NAA10: variants seen among roughly 807,000 people sequenced by gnomAD.
The protein encoded by NAA10 is N-alpha-acetyltransferase 10, NatA catalytic subunit.
NAA10 carries 6 observed loss-of-function variants against 19.2 expected under a neutral mutation model. The ratio of observed to expected loss-of-function variants is 0.31; its 90% CI spans 0.17 to 0.62. The LOEUF (loss-of-function observed/expected upper bound fraction) is 0.62, where lower values mean the gene tolerates loss of function less well. Ranked by LOEUF, NAA10 falls within the 20% of genes least tolerant of loss-of-function variation. The pLI, the probability that NAA10 is intolerant of heterozygous loss-of-function variation, is 0.83. For missense variants in NAA10, 101 were observed against 198.4 expected (o/e 0.51, Z 2.95); for synonymous variants, 97 against 79.9 (o/e 1.21, Z -1.14).
At chrX:153,932,163 G>A (rs201130093) in intron 5 of NAA10, 48 bp from the exon 6 acceptor site, 10 of 1,202,677 alleles carry the variant, frequency 8.3e-6, no homozygotes, top group Non-Finnish European at 6.8e-6. Context: ...TGGCCAGGGA[G>A]GGGTAGCACG....
rs2065174006 is a variant in NAA10, at chrX:153,932,715, CTCTTGGATCAGAGCA to C, written c.180-146_180-132del. On this transcript the variant is annotated intron_variant, in intron 3 of 7. Transcript: ENST00000464845. ...CCCCAGCTGGGGGAGAGCCGGGAGC[CTCTTGGATCAGAGCA>C]GCCGATCCTGCCACCCTCTGCTGCC... is the stretch of plus-strand genomic sequence containing the variant. The C allele has an allele frequency of 6.2e-6, 4 of 644,680 alleles. No individual in the cohort carries two copies. The South Asian group carries it at 9.6e-5, about 15-fold the overall frequency. 53.1% of individuals were successfully genotyped at this position (644,680 alleles called of 1,213,427 possible).
In NAA10 at chrX:153,930,865, G is replaced by C; in HGVS notation, c.387-18C>G. On this transcript the variant is annotated intron_variant, in intron 6 of 7. Coordinates refer to ENST00000464845, the MANE Select transcript of NAA10 (RefSeq NM_003491.4). ...CACTGATCCTGGGGGCAGAGGGTTA[G>C]AGAGCAAGGAGGAAGACCTGTATCC... 1 of 1,211,816 alleles carries C rather than the reference G, an allele frequency of 8.3e-7. No homozygotes were observed. The highest frequency in any genetic ancestry group is 1.1e-6 in the Non-Finnish European group (1 of 895,513).
rs782293468 is a variant in NAA10, at chrX:153,930,754, G to T, written c.471+9C>A. The T allele has an allele frequency of 8.3e-6, 10 of 1,211,523 alleles. No individual in the cohort carries two copies. ...CGCTCGCCTTGCTTGGCTTCATGCA[G>T]GCGCTTACCTCGTCGGCCATCTGAG... is the stretch of plus-strand genomic sequence containing the variant. On this transcript the variant is annotated intron_variant, in intron 7 of 7. Coordinates refer to ENST00000464845, the MANE Select transcript of NAA10 (RefSeq NM_003491.4).
In NAA10 at chrX:153,930,356, G is replaced by A. The variant is rs1557107208; in HGVS notation, c.472-133C>T. The A allele has an allele frequency of 3.4e-5, 20 of 591,700 alleles. No individual in the cohort carries two copies. The South Asian group carries it at 4.5e-4, about 13-fold the overall frequency. The allele number at this position is 591,700 out of a possible 1,213,427, so 48.8% of individuals were successfully genotyped here. A position where few individuals can be genotyped will look rare whatever the true frequency, so the allele number is the denominator to read the frequency against. On this transcript the variant is annotated intron_variant, in intron 7 of 7. Coordinates refer to ENST00000464845, the MANE Select transcript of NAA10 (RefSeq NM_003491.4). ...CAGCAGGGCTAGGCAGGACACGCGG[G>A]ACTGAGTGGGGACACCTGGCTGGAG...
intron 6 of NAA10, chrX:153,931,758 C>T: frequency 9.8e-7 from 1 of 1,023,746 alleles, no homozygotes; most frequent in Non-Finnish European, 1.2e-6. Flanking sequence ...CGCCAGGGAC[C>T]CACACCTCTC....
At chrX:153,931,795 G>A (rs1603290244) in intron 6 of NAA10, 33 of 1,069,967 alleles carry the variant, frequency 3.1e-5, no homozygotes, top group Non-Finnish European at 3.4e-5. Flanking sequence ...TAAACAGCCC[G>A]TGTGCCCTTC....
intron 6 of NAA10, chrX:153,931,312 G>A (rs948746014): frequency 3.5e-6 from 3 of 868,621 alleles, no homozygotes; most frequent in African/African-American, 2.1e-5. Flanking sequence ...CAATGGCCTA[G>A]GCTGGCCCTG....
rs2065155175 is a variant in NAA10 at position 153,929,759 on chromosome X, A to G, written c.*228T>C. 1 of 431,782 alleles carries G rather than the reference A, an allele frequency of 2.3e-6. No homozygotes were observed. The highest frequency in any genetic ancestry group is 4.0e-6 in the Non-Finnish European group (1 of 247,565). The allele number at this position is 431,782 out of a possible 1,213,427, so 35.6% of individuals were successfully genotyped here. A position where few individuals can be genotyped will look rare whatever the true frequency, so the allele number is the denominator to read the frequency against. On this transcript the variant is annotated 3_prime_UTR_variant, in exon 8 of 8. Transcript: ENST00000464845. The stretch of plus-strand genomic sequence containing the variant: ...GTCCAGGGCCTCCTTCCCCGGGGCC[A>G]CAGCTGCTGAAGGTCATGAGACTAG...
At position 153,930,076 on chromosome X, in the gene NAA10, C is replaced by G; in HGVS notation, c.619G>C (p.Gly207Arg). The G allele has an allele frequency of 8.3e-7, 1 of 1,211,276 alleles. No individual in the cohort carries two copies. Among genetic ancestry groups the G allele is most frequent in the Non-Finnish European group, 1.1e-6 (1 of 895,337 alleles). The change falls in exon 8 of 8, where the codon GGG becomes CGG. Residue 207 changes from glycine (G) to arginine (R), a missense_variant. By Grantham distance (125) the Gly-to-Arg change is moderately radical. Coordinates refer to ENST00000464845, the MANE Select transcript of NAA10 (RefSeq NM_003491.4). ...EKGLAAEDSG[G>R]DSKDLSEVSE... ...ACCTCGCTGAGGTCCTTGCTGTCCC[C>G]ACCACTATCCTCGGCAGCCAGGCCC...
intron 4 of NAA10, 42 bp downstream of exon 4, chrX:153,932,497 C>A: frequency 8.3e-7 from 1 of 1,199,801 alleles, no homozygotes. Flanking sequence ...AACTAACCCC[C>A]ACTTCCACCC....
intron 6 of NAA10, chrX:153,931,501 G>A: frequency 1.3e-6 from 1 of 799,836 alleles, no homozygotes; most frequent in Non-Finnish European, 1.5e-6. Context: ...CCCTCCACAG[G>A]CAGCCCACCC....
Position 153,929,936 on chromosome X carries a change from G to C in NAA10, c.*51C>G. 9.4e-7 allele frequency: 1 copy of C among 1,067,570 alleles called. No individual in the cohort carries two copies. The highest frequency in any genetic ancestry group is 3.0e-5 in the East Asian group (1 of 33,220). 88.0% of individuals were successfully genotyped at this position (1,067,570 alleles called of 1,213,427 possible). On this transcript the variant is annotated 3_prime_UTR_variant, in exon 8 of 8. Coordinates refer to ENST00000464845, the MANE Select transcript of NAA10 (RefSeq NM_003491.4). ...ACACACAAAGTTCCCCAGTGCCACG[G>C]AGCGAATTTATTGTGAAAGCTCGTG... is the stretch of plus-strand genomic sequence containing the variant.
At chrX:153,931,573 T>C in intron 6 of NAA10, 1 of 820,431 alleles carries the variant, frequency 1.2e-6, no homozygotes, top group Admixed American at 6.6e-5. Context: ...CCAGGTTCTC[T>C]CTAGTGTGCT....
intron 1 of NAA10, 105 bp from the exon 2 acceptor site, chrX:153,934,580 T>C: frequency 1.5e-6 from 1 of 684,803 alleles, no homozygotes; most frequent in South Asian, 2.3e-5. Flanking sequence ...CCCTCGGGGC[T>C]GGGCAGGCAC....
At chrX:153,931,826 GC>G in intron 6 of NAA10, 1 of 1,092,660 alleles carries the variant, frequency 9.2e-7, no homozygotes. Context: ...GCCATCATGG[GC>G]CAGAGCTCCT....
intron 2 of NAA10, 117 bp downstream of exon 2, chrX:153,934,260 C>T: frequency 1.5e-6 from 1 of 673,951 alleles, no homozygotes; most frequent in Non-Finnish European, 2.4e-6. Context: ...ACACCCAGGA[C>T]GCCACCGACC....
At chrX:153,932,271 A>G in intron 5 of NAA10, 45 bp downstream of exon 5, 1 of 1,139,742 alleles carries the variant, frequency 8.8e-7, no homozygotes, top group Non-Finnish European at 1.2e-6. Flanking sequence ...CCGTCAAGGC[A>G]GTATCTCTCC....
Position 153,934,969 on chromosome X carries a change from G to T in NAA10, c.-65C>A, listed in dbSNP as rs1456048117. On this transcript the variant is annotated 5_prime_UTR_variant, in exon 1 of 8. Coordinates refer to ENST00000464845, the MANE Select transcript of NAA10 (RefSeq NM_003491.4). The stretch of plus-strand genomic sequence containing the variant: ...GCGCAGTCAGCTGCCGCCGCGCTCC[G>T]AAGCGACGCCGGGACGGCCGGGGCT... 1.3e-4 allele frequency: 121 copies of T among 931,213 alleles called. No individual in the cohort carries two copies. Among genetic ancestry groups the T allele is most frequent in the Non-Finnish European group, 3.2e-5 (24 of 739,981 alleles). 76.7% of individuals were successfully genotyped at this position (931,213 alleles called of 1,213,427 possible). A position where few individuals can be genotyped will look rare whatever the true frequency, so the allele number is the denominator to read the frequency against.
chrX:153,931,873 G>C, intron 6 of NAA10, 198 bp downstream of exon 6: 2 of 1,124,177 alleles, frequency 1.8e-6, no homozygotes, highest in Non-Finnish European at 2.4e-6. Flanking sequence ...CAGCAGGCAG[G>C]TGCTGTCTCC....
Sources: gnomAD v4.1 joint callset for allele counts on GRCh38, gnomAD v4.1.1 for gene constraint, MANE v1.5 for transcripts, NCBI Gene and HGNC (gene_info 2026-07-23, HGNC 2026-07-21) for gene names.